The following MTX2 variants were observed in gnomAD, a reference collection of about 807,000 sequenced individuals.
MTX2 encodes metaxin 2.
MTX2 carries 35 observed loss-of-function variants against 42.3 expected under a neutral mutation model. The observed-to-expected ratio is 0.83, with a 90% CI of 0.63 to 1.10. The LOEUF (loss-of-function observed/expected upper bound fraction) is 1.10. MTX2 is among the 50% of genes least tolerant of loss of function. The probability of loss-of-function intolerance (pLI) is 0.00; values close to 1 mark genes in which losing one functional copy is unlikely to be tolerated. For synonymous variants in MTX2, 119 were observed against 100.9 expected (o/e 1.18, Z -1.08); for missense variants, 307 against 304.1 (o/e 1.01, Z -0.07).
intron 1 of MTX2, among the ~76,000 whole-genome samples, chr2:176,272,636 G>C (rs1224568811): frequency 6.6e-6 from 1 of 152,036 alleles, no homozygotes; most frequent in Non-Finnish European, 1.5e-5. Context: ...TGTCTTGAAA[G>C]CTATGGTTAT....
intron 1 of MTX2, among the ~76,000 whole-genome samples, chr2:176,292,546 C>A (rs1693352163): frequency 6.6e-6 from 1 of 151,716 alleles, no homozygotes. Context: ...TAGGTATTCC[C>A]AAACCAACAA....
intron 3 of MTX2, among the ~76,000 whole-genome samples, chr2:176,308,247 G>A (rs1052158626): frequency 1.3e-5 from 2 of 152,142 alleles, no homozygotes; most frequent in Admixed American, 1.3e-4. Context: ...CAAGGATGAA[G>A]CCGACTTGAT....
At position 176,337,875 on chromosome 2, in the gene MTX2, C is replaced by A. The variant is rs1575066688; in HGVS notation, c.*211C>A. The A allele has an allele frequency of 2.7e-6, 1 of 364,074 alleles. No homozygotes were observed. The highest frequency in any genetic ancestry group is 4.7e-6 in the Non-Finnish European group (1 of 212,806). 22.6% of individuals were successfully genotyped at this position (364,074 alleles called of 1,614,324 possible). A position where few individuals can be genotyped will look rare whatever the true frequency, so the allele number is the denominator to read the frequency against. ...TAATCTGATATGTTGTATTCTGTAT[C>A]TTGAAATTTTTGTTTCCTTGAAACA... is the stretch of plus-strand genomic sequence containing the variant. On this transcript the variant is annotated 3_prime_UTR_variant, in exon 10 of 10. Coordinates refer to ENST00000249442, the MANE Select transcript of MTX2 (RefSeq NM_006554.5).
chr2:176,295,218 C>T (rs1400445786), intron 1 of MTX2, among the ~76,000 whole-genome samples: 1 of 151,978 alleles, frequency 6.6e-6, no homozygotes, highest in Non-Finnish European at 1.5e-5. Flanking sequence ...TGCTTTATTG[C>T]TAGTAAGATT....
At chr2:176,309,367 T>A (rs955453874) in intron 3 of MTX2, among the ~76,000 whole-genome samples, 1 of 152,224 alleles carries the variant, frequency 6.6e-6, no homozygotes, top group African/African-American at 2.4e-5. Context: ...ATGTATATTC[T>A]GTTGAATTGG....
chr2:176,334,320 A>G (rs1448377815), intron 9 of MTX2, among the ~76,000 whole-genome samples: 1 of 151,926 alleles, frequency 6.6e-6, no homozygotes, highest in Non-Finnish European at 1.5e-5. Context: ...AGTATAGGGT[A>G]GCTGGCACTA....
Position 176,269,653 on chromosome 2 carries a change from C to T in MTX2, c.24C>T (p.Phe8=), listed in dbSNP as rs1692746465. ...ACATGTCTCTAGTGGCGGAAGCCTT[C>T]GTCTCCCAGATTGCAGGTAGCGCGG... is the stretch of plus-strand genomic sequence containing the variant. MSLVAEA[F]VSQIAAAEPW... Residue 8 remains phenylalanine (F), a synonymous_variant, in exon 1 of 10, where the codon TTC becomes TTT. Coordinates refer to ENST00000249442, the MANE Select transcript of MTX2 (RefSeq NM_006554.5). The T allele has an allele frequency of 1.3e-6, 2 of 1,597,678 alleles. No individual in the cohort carries two copies. Among genetic ancestry groups the T allele is most frequent in the African/African-American group, 1.3e-5 (1 of 74,460 alleles).
At chr2:176,284,245 A>G (rs768813153) in intron 1 of MTX2, among the ~76,000 whole-genome samples, 11 of 152,142 alleles carry the variant, frequency 7.2e-5, no homozygotes, top group Non-Finnish European at 8.8e-5. Flanking sequence ...ATGTCCAGCT[A>G]TGATGGATTA....
intron 3 of MTX2, among the ~76,000 whole-genome samples, chr2:176,319,139 T>C (rs1382981993): frequency 6.6e-6 from 1 of 152,238 alleles, no homozygotes; most frequent in Non-Finnish European, 1.5e-5. Flanking sequence ...TGTTCCAAGT[T>C]CATTATTCAT....
chr2:176,318,012 G>T (rs1684486615), intron 3 of MTX2, among the ~76,000 whole-genome samples: 1 of 152,000 alleles, frequency 6.6e-6, no homozygotes, highest in Admixed American at 6.6e-5. Flanking sequence ...CAAACTCTTA[G>T]GTTTCAGCTT....
chr2:176,331,393 T>C (rs1398240327), intron 9 of MTX2, among the ~76,000 whole-genome samples: 2 of 151,050 alleles, frequency 1.3e-5, no homozygotes, highest in East Asian at 1.9e-4. Context: ...TCTGACCTTT[T>C]CTTGACATTT....
intron 3 of MTX2, among the ~76,000 whole-genome samples, chr2:176,314,155 T>C (rs1346560740): frequency 6.6e-6 from 1 of 152,048 alleles, no homozygotes; most frequent in Non-Finnish European, 1.5e-5. Flanking sequence ...TTTAAAGGGC[T>C]GGGTGCGGTG....
rs1254521018 is a variant in MTX2, at chr2:176,337,512, C to T, written c.640C>T (p.Leu214=). The change falls in exon 10 of 10, where the codon CTG becomes TTG. Residue 214 remains leucine (L), a synonymous_variant. Transcript: ENST00000249442. The part of the protein sequence containing the change: ...FNKQPTELDA[L]VFGHLYTILT... ...TTTTAGGCCTACTGAACTTGACGCA[C>T]TGGTATTTGGCCATCTATACACCAT... 1 of 1,604,006 alleles carries T rather than the reference C, an allele frequency of 6.2e-7. No homozygotes were observed. The highest frequency in any genetic ancestry group is 8.5e-7 in the Non-Finnish European group (1 of 1,175,532).
chr2:176,290,970 A>G (rs1259959140), intron 1 of MTX2, among the ~76,000 whole-genome samples: 2 of 152,062 alleles, frequency 1.3e-5, no homozygotes, highest in Non-Finnish European at 2.9e-5. Flanking sequence ...TTATCTGACA[A>G]ACAGTCTCAC....
In MTX2 at chr2:176,269,473, G is replaced by T; in HGVS notation, c.-157G>T. 1.3e-6 allele frequency: 1 copy of T among 766,986 alleles called. No homozygotes were observed. Among genetic ancestry groups the T allele is most frequent in the Non-Finnish European group, 2.0e-6 (1 of 509,702 alleles). The allele number at this position is 766,986 out of a possible 1,614,324, so 47.5% of individuals were successfully genotyped here. On this transcript the variant is annotated 5_prime_UTR_variant, in exon 1 of 10. Coordinates refer to ENST00000249442, the MANE Select transcript of MTX2 (RefSeq NM_006554.5). ...AGCCAGGCCTGGCGGTAACCTTGGG[G>T]GCCTCACTGCAGCCGCCGCTGCTGT...
At chr2:176,329,114 A>G (rs1475602787) in intron 7 of MTX2, among the ~76,000 whole-genome samples, 187 bp from the exon 8 acceptor site, 8 of 151,310 alleles carry the variant, frequency 5.3e-5, no homozygotes, top group African/African-American at 1.9e-4. Context: ...TGCAAAGTAC[A>G]TAAAAGTTTA....
At chr2:176,304,092 C>T (rs895649497) in intron 3 of MTX2, 2 of 154,292 alleles carry the variant, frequency 1.3e-5, no homozygotes, top group Non-Finnish European at 2.9e-5. Flanking sequence ...ATCAATCTAG[C>T]AGCATTATAT....
intron 1 of MTX2, among the ~76,000 whole-genome samples, chr2:176,283,541 GA>G (rs1180868461): frequency 6.6e-6 from 1 of 152,140 alleles, no homozygotes; most frequent in African/African-American, 2.4e-5. Flanking sequence ...CTCTGTGGGG[GA>G]TAATTTGTTC....
At position 176,329,417 on chromosome 2, in the gene MTX2, T is replaced by A; in HGVS notation, c.534T>A (p.Thr178=). The change falls in exon 8 of 10, where the codon ACT becomes ACA. Residue 178 remains threonine (T), a synonymous_variant. Coordinates refer to ENST00000249442, the MANE Select transcript of MTX2 (RefSeq NM_006554.5). ...AAGCTATTGGATGGGGAAAGAAGAC[T>A]CTGGACCAGGTCAGTTCAGGTTGAA... The part of the protein sequence containing the change: ...KMKAIGWGKK[T]LDQVLEDVDQ... The A allele has an allele frequency of 1.2e-6, 2 of 1,606,458 alleles. No homozygotes were observed. The highest frequency in any genetic ancestry group is 1.7e-4 in the Middle Eastern group (1 of 6,014).
Sources: allele counts gnomAD v4.1 joint callset (sites outside exome capture counted in the v4.1 genomes callset), GRCh38; gene constraint gnomAD v4.1.1; transcripts MANE v1.5; gene names NCBI Gene and HGNC (gene_info 2026-07-23, HGNC 2026-07-21).